FBXO31: variants seen among roughly 807,000 people sequenced by gnomAD.
FBXO31 encodes F-box protein 31.
A neutral mutation model predicts 54.4 loss-of-function variants in FBXO31; 24 were observed. The ratio of observed to expected loss-of-function variants is 0.44; its 90% CI spans 0.32 to 0.62. The LOEUF (loss-of-function observed/expected upper bound fraction) is 0.62, where lower values mean the gene tolerates loss of function less well. Among genes scored for constraint, FBXO31 ranks in the 20% least tolerant of loss-of-function variants. FBXO31 has a pLI of 0.05. For missense variants in FBXO31, 665 were observed against 787.1 expected (o/e 0.84, Z 1.86); for synonymous variants, 388 against 335.6 (o/e 1.16, Z -1.71).
intron 1 of FBXO31, among the ~76,000 whole-genome samples, chr16:87,375,741 CT>C: frequency 6.6e-6 from 1 of 152,290 alleles, no homozygotes; most frequent in Admixed American, 6.5e-5. Context: ...GCCCTGCAGG[CT>C]GGAGTGAGTT....
chr16:87,389,137 ACATT>A (rs1567494991), intron 1 of FBXO31, among the ~76,000 whole-genome samples: 1 of 151,620 alleles, frequency 6.6e-6, no homozygotes, highest in Non-Finnish European at 1.5e-5. Flanking sequence ...ATATGAATGT[ACATT>A]ATTATAATAT....
chr16:87,347,135 G>T (rs927012091), intron 3 of FBXO31, 39 bp downstream of exon 3: 1 of 1,576,586 alleles, frequency 6.3e-7, no homozygotes, highest in South Asian at 1.1e-5. Context: ...CACCACTCCT[G>T]CCCGTGCACA....
intron 1 of FBXO31, among the ~76,000 whole-genome samples, chr16:87,374,097 C>T (rs1477406354): frequency 6.6e-6 from 1 of 152,084 alleles, no homozygotes; most frequent in East Asian, 1.9e-4. Flanking sequence ...AAAAATGTAG[C>T]CAGGTGTGGT....
At position 87,338,467 on chromosome 16, in the gene FBXO31, G is replaced by A. The variant is rs1473751856; in HGVS notation, c.733-2203C>T. On this transcript the variant is annotated intron_variant, in intron 5 of 8. Coordinates refer to ENST00000311635, the MANE Select transcript of FBXO31 (RefSeq NM_024735.5). This position sits in a 1 kb window ranked among gnomAD's most constrained non-coding sequence, Gnocchi z 4.3. Reference sequence around the variant, plus strand: ...TTTCCAAAAGCCTCAGTCTTGGGGCGGGGGAGGCGGGCCTGAAACACACAG... The same window carrying A: ...TTTCCAAAAGCCTCAGTCTTGGGGCAGGGGAGGCGGGCCTGAAACACACAG... Among the ~76,000 whole-genome samples the A allele has an allele frequency of 6.3e-5, 8 of 126,706 alleles. No individual in the cohort carries two copies. The South Asian group carries it at 1.3e-3, about 21-fold the overall frequency. The allele number at this position is 126,706 out of a possible 152,430, so 83.1% of individuals were successfully genotyped here.
At chr16:87,352,779 G>A (rs1415321490) in intron 2 of FBXO31, among the ~76,000 whole-genome samples, 3 of 152,200 alleles carry the variant, frequency 2.0e-5, no homozygotes, top group Non-Finnish European at 2.9e-5. Context: ...TGCCCTGGGA[G>A]CCCCGGCATA....
At chr16:87,381,658 C>CA (rs1326591046) in intron 1 of FBXO31, among the ~76,000 whole-genome samples, 1 of 152,208 alleles carries the variant, frequency 6.6e-6, no homozygotes, top group African/African-American at 2.4e-5. Context: ...GGTGCAAACT[C>CA]AAAGAGCCCG....
chr16:87,377,037 G>A (rs933442026), intron 1 of FBXO31, among the ~76,000 whole-genome samples: 6 of 152,228 alleles, frequency 3.9e-5, no homozygotes, highest in Non-Finnish European at 8.8e-5. Flanking sequence ...TGGAATTAAA[G>A]CTGCCACAAT....
At chr16:87,392,105 C>G (rs996149651), upstream of FBXO31, 2 of 267,422 alleles carry the variant, frequency 7.5e-6, no homozygotes, top group African/African-American at 4.5e-5. Flanking sequence ...AGGCGCCCAG[C>G]GGTGCTGGGC....
Position 87,383,531 on chromosome 16 carries a change from G to C in FBXO31, c.214C>G (p.Pro72Ala). 1 of 1,580,016 alleles carries C rather than the reference G, an allele frequency of 6.3e-7. No individual in the cohort carries two copies. Among genetic ancestry groups the C allele is most frequent in the Non-Finnish European group, 8.6e-7 (1 of 1,167,774 alleles). ...PPRCSLLELP[P>A]ELLVEIFASL... is the part of the protein sequence containing the mutation. ...GCGAAGATCTCCACCAGCAGCTCGG[G>C]CGGCAGCTCCAGCAGCGAGCAGCGC... The change falls in exon 1 of 9, where the codon CCC (proline) becomes GCC (alanine). Residue 72 changes from proline to alanine, a missense_variant. Coordinates refer to ENST00000311635, the MANE Select transcript of FBXO31 (RefSeq NM_024735.5). This position sits in a 1 kb window ranked among gnomAD's most constrained non-coding sequence, Gnocchi z 4.9.
At chr16:87,366,503 T>G in intron 1 of FBXO31, among the ~76,000 whole-genome samples, 1 of 149,628 alleles carries the variant, frequency 6.7e-6, no homozygotes, top group Non-Finnish European at 1.5e-5. Flanking sequence ...ACGCCCAGAG[T>G]GGGAAGGGCC....
At chr16:87,339,789 A>G (rs1005100865) in intron 5 of FBXO31, among the ~76,000 whole-genome samples, 1 of 152,236 alleles carries the variant, frequency 6.6e-6, no homozygotes. Flanking sequence ...CACAGCAAAT[A>G]AACAAGATGA....
intron 1 of FBXO31, among the ~76,000 whole-genome samples, chr16:87,377,597 G>A (rs1165504830): frequency 6.6e-6 from 1 of 152,098 alleles, no homozygotes. Flanking sequence ...AGGCCAAGGT[G>A]GGCAGATCAC....
intron 1 of FBXO31, among the ~76,000 whole-genome samples, chr16:87,382,010 G>A (rs562868529): frequency 6.6e-6 from 1 of 151,684 alleles, no homozygotes; most frequent in South Asian, 2.1e-4. Flanking sequence ...GGGTGACAGA[G>A]TGAGACTCCG....
At position 87,381,753 on chromosome 16, in the gene FBXO31, G is replaced by T. The variant is rs575252057; in HGVS notation, c.340+1652C>A. The stretch of plus-strand genomic sequence containing the variant: ...GGAACTGCACCCTACCAGCCAGCGT[G>T]GGGGCTCGCGCCTGTAATCCCAACA... On this transcript the variant is annotated intron_variant, in intron 1 of 8. Coordinates refer to ENST00000311635, the MANE Select transcript of FBXO31 (RefSeq NM_024735.5). Among the ~76,000 whole-genome samples the T allele has an allele frequency of 6.6e-5, 10 of 152,292 alleles. No homozygotes were observed. The South Asian group carries it at 1.9e-3, about 28-fold the overall frequency.
In FBXO31 at chr16:87,383,297, A is replaced by C; in HGVS notation, c.340+108T>G. The C allele has an allele frequency of 9.3e-7, 1 of 1,076,106 alleles. No individual in the cohort carries two copies. The highest frequency in any genetic ancestry group is 3.1e-5 in the East Asian group (1 of 32,044). The allele number at this position is 1,076,106 out of a possible 1,614,324, so 66.7% of individuals were successfully genotyped here. On this transcript the variant is annotated intron_variant, in intron 1 of 8. Coordinates refer to ENST00000311635, the MANE Select transcript of FBXO31 (RefSeq NM_024735.5). This position sits in a 1 kb window ranked among gnomAD's most constrained non-coding sequence, Gnocchi z 4.9. ...ACCACATCGCCGGGCCCCGCGCCCA[A>C]CTGGTGGCCCCCGGCCGGGGCCACC... is the stretch of plus-strand genomic sequence containing the variant.
rs374638223 is a variant in FBXO31, at chr16:87,335,329, C to T, written c.971G>A (p.Arg324Gln). 7.4e-6 allele frequency: 12 copies of T among 1,613,746 alleles called. No individual in the cohort carries two copies. Among genetic ancestry groups the T allele is most frequent in the Middle Eastern group, 1.6e-4 (1 of 6,080 alleles). ...LEIVMLSFHG[R>Q]RARGTKITGD... ...CGTGATCTTGGTGCCCCTGGCACGC[C>T]GGCCGTGGAAGCTGAGCATCACAAT... The change falls in exon 7 of 9, where the codon CGG becomes CAG. Residue 324 changes from arginine (R) to glutamine (Q), a missense_variant. Physicochemically the swap from Arg to Gln is conservative, Grantham distance 43. This residue lies in a region of FBXO31 where 234 missense variants were observed against 346.8 expected (regional missense o/e 0.67). Transcript: ENST00000311635. The surrounding 1 kb of genome is among the most constrained non-coding windows in gnomAD (Gnocchi z 5.7).
At chr16:87,374,203 C>CT in intron 1 of FBXO31, among the ~76,000 whole-genome samples, 1 of 151,518 alleles carries the variant, frequency 6.6e-6, no homozygotes, top group South Asian at 2.1e-4. Flanking sequence ...GATCGCGCCA[C>CT]TACACTCCAA....
intron 1 of FBXO31, among the ~76,000 whole-genome samples, chr16:87,389,227 A>G (rs527408956): frequency 3.3e-5 from 5 of 152,116 alleles, no homozygotes; most frequent in Admixed American, 6.6e-5. Flanking sequence ...CCATCTTTAA[A>G]CCCCAATCAT....
In FBXO31 at chr16:87,338,611, C is replaced by CA. The variant is rs1362447347; in HGVS notation, c.733-2348_733-2347insT. Among the ~76,000 whole-genome samples, 1 of 152,210 alleles carries CA rather than the reference C, an allele frequency of 6.6e-6. No individual in the cohort carries two copies. The highest frequency in any genetic ancestry group is 1.5e-5 in the Non-Finnish European group (1 of 68,040). The stretch of plus-strand genomic sequence containing the variant: ...ACCCACGGCTGAGGGAACCCACAAC[C>CA]CTGGGAACATCATCAGATCATGCCA... On this transcript the variant is annotated intron_variant, in intron 5 of 8. Transcript: ENST00000311635. The surrounding 1 kb of genome is among the most constrained non-coding windows in gnomAD (Gnocchi z 4.3).
Sources: allele counts gnomAD v4.1 joint callset (sites outside exome capture counted in the v4.1 genomes callset), GRCh38; gene constraint gnomAD v4.1.1; regional missense constraint gnomAD v4.1.1; non-coding constraint Gnocchi (gnomAD v3.1); transcripts MANE v1.5; gene names NCBI Gene and HGNC (gene_info 2026-07-23, HGNC 2026-07-21).